Variants in RAB11FIP3 observed in about 807,000 individuals in gnomAD.
RAB11FIP3 encodes the protein RAB11 family interacting protein 3, also known as rab11 family-interacting protein 3.
A neutral mutation model predicts 77.8 loss-of-function variants in RAB11FIP3; 17 were observed. The observed-to-expected ratio is 0.22, with a 90% confidence interval of 0.15 to 0.33. The LOEUF is 0.33. Among genes scored for constraint, RAB11FIP3 ranks in the 10% least tolerant of loss-of-function variants. The pLI, the probability that RAB11FIP3 is intolerant of heterozygous loss-of-function variation, is 1.00. For synonymous variants in RAB11FIP3, 437 were observed against 448.2 expected (o/e 0.98, Z 0.31); for missense variants, 1,005 against 1,011.2 (o/e 0.99, Z 0.08).
At chr16:477,480 G>A (rs927852020) in intron 3 of RAB11FIP3, among the ~76,000 whole-genome samples, 1 of 152,148 alleles carries the variant, frequency 6.6e-6, no homozygotes, top group African/African-American at 2.4e-5. Context: ...TTCGCATCCT[G>A]CCCCGTCATG....
Position 522,692 on chromosome 16 carries a change from A to G in RAB11FIP3, c.*1853A>G, listed in dbSNP as rs1031967421. On this transcript the variant is annotated 3_prime_UTR_variant, in exon 14 of 14. Transcript: ENST00000262305. ...GCCCAGTGGAGCCTGGCAGCTTTCCAGCCAGGTTCTGGATCCTGACGAGCT... is the reference window on the plus strand; with the variant it reads ...GCCCAGTGGAGCCTGGCAGCTTTCCGGCCAGGTTCTGGATCCTGACGAGCT... The G allele has an allele frequency of 6.6e-6, 1 of 152,314 alleles. No homozygotes were observed. The highest frequency in any genetic ancestry group is 1.5e-5 in the Non-Finnish European group (1 of 68,134). 9.4% of individuals were successfully genotyped at this position (152,314 alleles called of 1,614,324 possible).
intron 1 of RAB11FIP3, among the ~76,000 whole-genome samples, chr16:436,004 A>G (rs1275586581): frequency 6.6e-6 from 1 of 152,114 alleles, no homozygotes; most frequent in Non-Finnish European, 1.5e-5. Flanking sequence ...CTTCTTGGAG[A>G]AGGAAAAAAA....
At position 472,580 on chromosome 16, in the gene RAB11FIP3, G is replaced by A. The variant is rs1490782256; in HGVS notation, c.903+1191G>A. Among the ~76,000 whole-genome samples the A allele has an allele frequency of 2.0e-5, 3 of 152,220 alleles. No individual in the cohort carries two copies. Among genetic ancestry groups the A allele is most frequent in the Non-Finnish European group, 4.4e-5 (3 of 68,034 alleles). On this transcript the variant is annotated intron_variant, in intron 3 of 13. Coordinates refer to ENST00000262305, the MANE Select transcript of RAB11FIP3 (RefSeq NM_014700.4). This position sits in a 1 kb window ranked among gnomAD's most constrained non-coding sequence, Gnocchi z 4.1. ...TTCACGAGGAGATGCCCAAGGCTCT[G>A]CAGGGTAACCCAGAGCCCTTGGTCT... is the stretch of plus-strand genomic sequence containing the variant.
chr16:446,856 G>A (rs572048508), intron 1 of RAB11FIP3, among the ~76,000 whole-genome samples: 8 of 151,978 alleles, frequency 5.3e-5, no homozygotes, highest in East Asian at 2.0e-4. Context: ...ACATGCCTCC[G>A]TGCCCAGCTA....
At chr16:510,425 G>A (rs551491590) in intron 8 of RAB11FIP3, 6 of 515,930 alleles carry the variant, frequency 1.2e-5, no homozygotes, top group Non-Finnish European at 2.1e-5. Flanking sequence ...GGGCCTAGGT[G>A]CAGTGGACAC....
rs1011952608 is a variant in RAB11FIP3 at position 505,250 on chromosome 16, G to C, written c.1396-274G>C. Among the ~76,000 whole-genome samples, 7 of 152,032 alleles carry C rather than the reference G, an allele frequency of 4.6e-5. No homozygotes were observed. The highest frequency in any genetic ancestry group is 1.5e-5 in the Non-Finnish European group (1 of 68,016). ...GCTGAGTCTTGCTGCCCACCAGCCA[G>C]CCAGTCCAAAGGCACCCCTGGGCCC... On this transcript the variant is annotated intron_variant, in intron 7 of 13. Transcript: ENST00000262305. The surrounding 1 kb of genome is among the most constrained non-coding windows in gnomAD (Gnocchi z 4.0).
chr16:484,966 C>T (rs1368618619), intron 4 of RAB11FIP3, among the ~76,000 whole-genome samples: 1 of 152,122 alleles, frequency 6.6e-6, no homozygotes, highest in Non-Finnish European at 1.5e-5. Flanking sequence ...GTCTGCTCTC[C>T]TGCTCACCTT....
intron 4 of RAB11FIP3, among the ~76,000 whole-genome samples, chr16:484,024 T>C (rs150494992): frequency 1.1e-3 from 167 of 152,220 alleles, no homozygotes; most frequent in African/African-American, 3.8e-3. Context: ...CAGGGCTTCC[T>C]GGGGCGGCAT....
chr16:520,713 G>T lies in RAB11FIP3; in HGVS notation c.2158-13G>T, dbSNP rs573817331. ...CCATGCGCCTCAGCTCTGACCACCT[G>T]CTTGCCCTACAGCTCATGGAGGCGA... On this transcript the variant is annotated splice_polypyrimidine_tract_variant and intron_variant, in intron 13 of 13. Transcript: ENST00000262305. 7.4e-6 allele frequency: 12 copies of T among 1,613,424 alleles called. No individual in the cohort carries two copies. In the South Asian group the frequency reaches 8.8e-5, roughly 12 times the overall value.
chr16:463,430 G>GTTTTTTTTTTTTTTTTTTTTTTTTTTTTT (rs142875972), intron 2 of RAB11FIP3, among the ~76,000 whole-genome samples: 1 of 82,260 alleles, frequency 1.2e-5, no homozygotes. Flanking sequence ...TTGTTCCCCG[G>GTTTTTTTTTTTTTTTTTTTTTTTTTTTTT]TTTTTTTTTT....
intron 1 of RAB11FIP3, among the ~76,000 whole-genome samples, chr16:449,546 T>C (rs568076909): frequency 6.6e-6 from 1 of 151,384 alleles, no homozygotes; most frequent in African/African-American, 2.4e-5. Flanking sequence ...CTCAGGAGGC[T>C]GAGGTGGGAG....
At chr16:492,362 T>TCCCGGGAGACCCGAGGCCGCCCAGGGTCC (rs2030354690) in intron 5 of RAB11FIP3, among the ~76,000 whole-genome samples, 1 of 63,628 alleles carries the variant, frequency 1.6e-5, no homozygotes, top group South Asian at 4.0e-4. Flanking sequence ...GAAGAGGGTC[T>TCCCGGGAGACCCGAGGCCGCCCAGGGTCC]TCCCGGGAGA....
intron 1 of RAB11FIP3, among the ~76,000 whole-genome samples, chr16:445,104 ACT>A (rs2055290117): frequency 9.6e-6 from 1 of 103,738 alleles, no homozygotes; most frequent in Non-Finnish European, 1.8e-5. Context: ...ACAGAGCGAG[ACT>A]CTGTCTCAAA....
At chr16:460,169 CA>C (rs573613080) in intron 1 of RAB11FIP3, among the ~76,000 whole-genome samples, 2 of 152,104 alleles carry the variant, frequency 1.3e-5, no homozygotes, top group African/African-American at 2.4e-5. Context: ...TGAGCCACCG[CA>C]CCTGGCCTGA....
chr16:464,266 G>A (rs141791415), intron 2 of RAB11FIP3, among the ~76,000 whole-genome samples: 3 of 152,324 alleles, frequency 2.0e-5, no homozygotes, highest in South Asian at 2.1e-4. Flanking sequence ...TGATGGGGCC[G>A]TGTCTCAGTC....
intron 3 of RAB11FIP3, chr16:477,573 C>T (rs1050896378): frequency 1.0e-6 from 1 of 972,752 alleles, no homozygotes; most frequent in African/African-American, 1.8e-5. Context: ...TGCCTGGCGT[C>T]CCGCAGGCCC....
At chr16:489,731 C>A (rs1412404076) in intron 5 of RAB11FIP3, among the ~76,000 whole-genome samples, 1 of 152,250 alleles carries the variant, frequency 6.6e-6, no homozygotes, top group Non-Finnish European at 1.5e-5. Context: ...TGCTGCCCGC[C>A]CGCTGTTACT....
intron 9 of RAB11FIP3, among the ~76,000 whole-genome samples, chr16:511,501 C>T (rs1255033695): frequency 1.7e-5 from 2 of 120,952 alleles, no homozygotes; most frequent in African/African-American, 3.5e-5. Context: ...CCCGACGGCC[C>T]GCCAACCCCA....
chr16:496,440 G>A (rs1042085278), intron 5 of RAB11FIP3, among the ~76,000 whole-genome samples: 1 of 152,254 alleles, frequency 6.6e-6, no homozygotes, highest in African/African-American at 2.4e-5. Context: ...TGTCACAGCG[G>A]GGCCTGGGTC....
Sources: allele counts gnomAD v4.1 joint callset (sites outside exome capture counted in the v4.1 genomes callset), GRCh38; gene constraint gnomAD v4.1.1; non-coding constraint Gnocchi (gnomAD v3.1); transcripts MANE v1.5; gene names NCBI Gene and HGNC (gene_info 2026-07-23, HGNC 2026-07-21).